The following RYR2 variants were observed in gnomAD, a reference collection of about 807,000 sequenced individuals.
RYR2 encodes ryanodine receptor 2, also known as cardiac muscle ryanodine receptor-calcium release channel.
Under a neutral mutation model 601.1 loss-of-function variants are expected in RYR2, and 227 were observed. The observed-to-expected ratio is 0.38, with a 90% CI of 0.34 to 0.42. The LOEUF is 0.42. Ranked by LOEUF, RYR2 falls within the 10% of genes least tolerant of loss-of-function variation. The pLI, the probability that RYR2 is intolerant of heterozygous loss-of-function variation, is 1.00. For missense variants in RYR2, 4,646 were observed against 6,156.5 expected (o/e 0.75, Z 8.21); for synonymous variants, 2,223 against 2,175.1 (o/e 1.02, Z -0.61).
chr1:237,628,025 C>T lies in RYR2; in HGVS notation c.6385C>T (p.Leu2129=). 6.2e-7 allele frequency: 1 copy of T among 1,613,894 alleles called. No homozygotes were observed. The highest frequency in any genetic ancestry group is 8.5e-7 in the Non-Finnish European group (1 of 1,179,892). Residue 2129 remains leucine, a synonymous_variant, in exon 41 of 105, where the codon CTG becomes TTG. Coordinates refer to ENST00000366574, the MANE Select transcript of RYR2 (RefSeq NM_001035.3). ...GGCATCCCTTGGTCAGATTCGGTCC[C>T]TGCTGAGTGTGAGAATGGGCAAAGA... ...LLASLGQIRS[L]LSVRMGKEEE... is the part of the protein sequence containing the mutation.
chr1:237,134,386 G>C (rs112875684), intron 1 of RYR2, among the ~76,000 whole-genome samples: 1 of 152,102 alleles, frequency 6.6e-6, no homozygotes, highest in Non-Finnish European at 1.5e-5. Flanking sequence ...ACAGTTCCAC[G>C]TGGCTGGGGA....
At chr1:237,740,321 G>T (rs957290531) in intron 79 of RYR2, among the ~76,000 whole-genome samples, 14 of 152,134 alleles carry the variant, frequency 9.2e-5, no homozygotes, top group Non-Finnish European at 1.3e-4. Context: ...TGGTGAATTT[G>T]TCAGATACAG....
At chr1:237,690,304 T>G (rs1251028072) in intron 63 of RYR2, among the ~76,000 whole-genome samples, 1 of 152,324 alleles carries the variant, frequency 6.6e-6, no homozygotes, top group East Asian at 1.9e-4. Flanking sequence ...ACTTAACAGC[T>G]GAATGATTTG....
chr1:237,827,593 G>A (rs1217334390), intron 101 of RYR2, among the ~76,000 whole-genome samples: 9 of 137,842 alleles, frequency 6.5e-5, no homozygotes, highest in Middle Eastern at 5.0e-3. Context: ...TTGCACCACC[G>A]CACTCCAGCC....
intron 29 of RYR2, among the ~76,000 whole-genome samples, chr1:237,585,586 G>A (rs528985068): frequency 6.6e-6 from 1 of 152,296 alleles, no homozygotes; most frequent in South Asian, 2.1e-4. Flanking sequence ...TGTCCTTGCT[G>A]TGTATAGGCT....
chr1:237,052,424 A>G (rs971700001), intron 1 of RYR2, among the ~76,000 whole-genome samples: 3 of 152,212 alleles, frequency 2.0e-5, no homozygotes, highest in African/African-American at 7.2e-5. Flanking sequence ...AAAATATGAA[A>G]AAAACATGAA....
chr1:237,700,611 T>C, intron 65 of RYR2, 144 bp downstream of exon 65: 1 of 603,138 alleles, frequency 1.7e-6, no homozygotes, highest in Non-Finnish European at 3.0e-6. Context: ...CGTTATAGGT[T>C]GACATTTGTG....
At chr1:237,135,189 G>C (rs955678055) in intron 1 of RYR2, among the ~76,000 whole-genome samples, 5 of 152,100 alleles carry the variant, frequency 3.3e-5, no homozygotes, top group South Asian at 4.2e-4. Flanking sequence ...GGAAATCTTA[G>C]TAACAGCAAC....
intron 49 of RYR2, among the ~76,000 whole-genome samples, 176 bp from the exon 50 acceptor site, chr1:237,649,701 T>C (rs903295499): frequency 1.3e-5 from 2 of 152,234 alleles, no homozygotes; most frequent in Non-Finnish European, 2.9e-5. Context: ...TTGATTGTTT[T>C]TAGTGGTAAA....
intron 25 of RYR2, among the ~76,000 whole-genome samples, chr1:237,535,892 G>A (rs1377609450): frequency 6.6e-6 from 1 of 152,086 alleles, no homozygotes; most frequent in Non-Finnish European, 1.5e-5. Flanking sequence ...TTATTTATAA[G>A]CATATAAACT....
In RYR2 at chr1:237,491,889, A is replaced by T. The variant is rs1404353801; in HGVS notation, c.1792A>T (p.Ile598Phe). 7.0e-7 allele frequency: 1 copy of T among 1,423,482 alleles called. No homozygotes were observed. Among genetic ancestry groups the T allele is most frequent in the Non-Finnish European group, 9.7e-7 (1 of 1,030,802 alleles). 88.2% of individuals were successfully genotyped at this position (1,423,482 alleles called of 1,614,324 possible). A position where few individuals can be genotyped will look rare whatever the true frequency, so the allele number is the denominator to read the frequency against. The change falls in exon 18 of 105, where the codon ATC becomes TTC. Residue 598 changes from isoleucine to phenylalanine, a missense_variant. Physicochemically the swap from Ile to Phe is conservative, Grantham distance 21. Around this residue, in one of 17 missense-constraint regions of RYR2, gnomAD observed 1,807 missense variants for 2,088.1 expected, o/e 0.87. Transcript: ENST00000366574. ...TAAAGAAGGACATATTAAATCTATT[A>T]TCTCACTTTTAGACAAACATGGAAG... is the stretch of plus-strand genomic sequence containing the variant. Reference protein sequence around the residue: ...IIKEGHIKSIISLLDKHGRNH... With the variant: ...IIKEGHIKSIFSLLDKHGRNH...
chr1:237,832,461 G>A (rs529314526), intron 104 of RYR2, 91 bp from the exon 105 acceptor site: 1 of 736,564 alleles, frequency 1.4e-6, no homozygotes, highest in Admixed American at 2.4e-5. Context: ...TCTATTCCGT[G>A]CGATATAGGT....
At chr1:237,640,815 C>T in intron 46 of RYR2, 82 bp from the exon 47 acceptor site, 1 of 1,120,958 alleles carries the variant, frequency 8.9e-7, no homozygotes, top group Non-Finnish European at 1.3e-6. Flanking sequence ...CTAGTAGTCC[C>T]TTTCCTCGGA....
At chr1:237,224,147 G>A (rs1397802432) in intron 1 of RYR2, among the ~76,000 whole-genome samples, 1 of 152,076 alleles carries the variant, frequency 6.6e-6, no homozygotes, top group African/African-American at 2.4e-5. Context: ...CTACTTATAC[G>A]TGGAATTTTT....
At chr1:237,381,084 A>T (rs557157660) in intron 8 of RYR2, among the ~76,000 whole-genome samples, 1 of 151,678 alleles carries the variant, frequency 6.6e-6, no homozygotes, top group East Asian at 1.9e-4. Context: ...ATCTCAAAAG[A>T]AAAAAAAGAA....
intron 24 of RYR2, among the ~76,000 whole-genome samples, chr1:237,529,798 C>CACACACACACACACACACACA (rs201902838): frequency 6.9e-6 from 1 of 144,542 alleles, no homozygotes; most frequent in African/African-American, 2.5e-5. Context: ...CACACACACA[C>CACACACACACACACACACACA]CACGTATATC....
chr1:237,789,671 C>T (rs1658134658), intron 92 of RYR2, among the ~76,000 whole-genome samples: 1 of 142,640 alleles, frequency 7.0e-6, no homozygotes, highest in South Asian at 2.3e-4. Context: ...TTGTGTAAAC[C>T]AAGTAGTTGA....
chr1:237,644,733 A>T (rs534218642), intron 48 of RYR2, among the ~76,000 whole-genome samples: 94 of 152,178 alleles, frequency 6.2e-4, no homozygotes, highest in Middle Eastern at 3.4e-3. Flanking sequence ...CTAATTGTAG[A>T]ACAAAACATA....
At chr1:237,090,301 T>C (rs930154627) in intron 1 of RYR2, among the ~76,000 whole-genome samples, 4 of 152,210 alleles carry the variant, frequency 2.6e-5, no homozygotes, top group African/African-American at 9.7e-5. Context: ...AATATGTTAC[T>C]TTACATGGCA....
Sources: allele counts gnomAD v4.1 joint callset (sites outside exome capture counted in the v4.1 genomes callset), GRCh38; gene constraint gnomAD v4.1.1; regional missense constraint gnomAD v4.1.1; transcripts MANE v1.5; gene names NCBI Gene and HGNC (gene_info 2026-07-23, HGNC 2026-07-21).